The following CNTNAP2 variants were observed in gnomAD, a reference collection of about 807,000 sequenced individuals.
The protein encoded by CNTNAP2 is contactin-associated protein-like 2.
A neutral mutation model predicts 155.2 loss-of-function variants in CNTNAP2; 98 were observed. The observed-to-expected ratio is 0.63, with a 90% CI of 0.54 to 0.75. The LOEUF (loss-of-function observed/expected upper bound fraction) is 0.75. Among genes scored for constraint, CNTNAP2 ranks in the 30% least tolerant of loss-of-function variants. CNTNAP2 has a pLI of 0.00. For synonymous variants in CNTNAP2, 651 were observed against 631.2 expected, an observed-to-expected ratio of 1.03 and a Z score of -0.47; for missense variants, 1,727 against 1,688.1, an observed-to-expected ratio of 1.02 and a Z score of -0.40.
At chr7:146,487,410 T>G (rs1002513455) in intron 1 of CNTNAP2, among the ~76,000 whole-genome samples, 1 of 152,228 alleles carries the variant, frequency 6.6e-6, no homozygotes, top group Non-Finnish European at 1.5e-5. Context: ...GTCTCGTAGT[T>G]GACAAACTCT....
chr7:147,618,642 ATATATATAATAACAGCTAT>A (rs1309076867), intron 12 of CNTNAP2, among the ~76,000 whole-genome samples: 1 of 150,168 alleles, frequency 6.7e-6, no homozygotes, highest in African/African-American at 2.4e-5. Context: ...TAAAATGTAT[ATATATATAATAACAGCTAT>A]TATATATATA....
intron 1 of CNTNAP2, among the ~76,000 whole-genome samples, chr7:146,646,261 A>G (rs985927629): frequency 3.3e-5 from 5 of 152,120 alleles, no homozygotes; most frequent in Admixed American, 6.5e-5. Context: ...GAACATGTTC[A>G]TTGTCTGTTT....
chr7:147,455,033 C>A (rs1371490080), intron 10 of CNTNAP2, among the ~76,000 whole-genome samples: 1 of 152,076 alleles, frequency 6.6e-6, no homozygotes, highest in Non-Finnish European at 1.5e-5. Flanking sequence ...TTCTGAGGAC[C>A]TTGGGAAATA....
chr7:147,495,594 C>A (rs978112204), intron 11 of CNTNAP2, among the ~76,000 whole-genome samples: 1 of 152,104 alleles, frequency 6.6e-6, no homozygotes, highest in Non-Finnish European at 1.5e-5. Context: ...AGATGACAGC[C>A]ATGGTTATAA....
chr7:147,698,859 A>G (rs1289391290), intron 13 of CNTNAP2, among the ~76,000 whole-genome samples: 1 of 152,192 alleles, frequency 6.6e-6, no homozygotes, highest in African/African-American at 2.4e-5. Flanking sequence ...ACATTATTGA[A>G]TAATATCAGA....
chr7:146,783,906 C>G (rs1374255332), intron 2 of CNTNAP2, among the ~76,000 whole-genome samples: 1 of 152,154 alleles, frequency 6.6e-6, no homozygotes, highest in Admixed American at 6.6e-5. Flanking sequence ...TTGGGATTTG[C>G]TTTTATAAAA....
Position 147,108,109 on chromosome 7 carries a change from A to G in CNTNAP2, c.551-38A>G, listed in dbSNP as rs1180122417. ...CTGTTGGAAGTGGATGGTAACATACATGGCTGAACTAATATGTTATTTTTT... is the reference window on the plus strand; with the variant it reads ...CTGTTGGAAGTGGATGGTAACATACGTGGCTGAACTAATATGTTATTTTTT... On this transcript the variant is annotated intron_variant, in intron 4 of 23. Coordinates refer to ENST00000361727, the MANE Select transcript of CNTNAP2 (RefSeq NM_014141.6). 9 of 1,567,606 alleles carry G rather than the reference A, an allele frequency of 5.7e-6. No individual in the cohort carries two copies. The East Asian group carries it at 2.0e-4, about 35-fold the overall frequency.
intron 13 of CNTNAP2, among the ~76,000 whole-genome samples, chr7:147,817,328 A>G (rs1417498531): frequency 6.6e-6 from 1 of 152,254 alleles, no homozygotes; most frequent in Non-Finnish European, 1.5e-5. Context: ...TGCACTAGAC[A>G]TGATTCCAAG....
At position 148,383,599 on chromosome 7, in the gene CNTNAP2, G is replaced by A. The variant is rs548975769; in HGVS notation, c.3476-50G>A. 43 of 1,614,036 alleles carry A rather than the reference G, an allele frequency of 2.7e-5. 1 individual carries two copies. In the South Asian group the frequency reaches 4.5e-4, roughly 17 times the overall value. On this transcript the variant is annotated intron_variant, in intron 21 of 23. Transcript: ENST00000361727. Reference sequence around the variant, plus strand: ...CATTCAAAGACAGGTATGTTGTACAGCTGGACTATGGTGAGTCAAGTAACA... The same window carrying A: ...CATTCAAAGACAGGTATGTTGTACAACTGGACTATGGTGAGTCAAGTAACA...
chr7:147,972,147 T>C (rs1288778384), intron 14 of CNTNAP2, among the ~76,000 whole-genome samples: 1 of 152,246 alleles, frequency 6.6e-6, no homozygotes, highest in East Asian at 1.9e-4. Flanking sequence ...TATTTGTACT[T>C]ATATCTATGA....
intron 11 of CNTNAP2, among the ~76,000 whole-genome samples, chr7:147,516,243 A>G (rs1199014377): frequency 6.6e-6 from 1 of 152,168 alleles, no homozygotes; most frequent in East Asian, 1.9e-4. Context: ...ACTTTTTTTT[A>G]CAGCTACTCA....
At chr7:146,917,425 T>C (rs1465343981) in intron 3 of CNTNAP2, among the ~76,000 whole-genome samples, 1 of 152,192 alleles carries the variant, frequency 6.6e-6, no homozygotes, top group Non-Finnish European at 1.5e-5. Context: ...CCAGTATTAT[T>C]GTGTTGCTGT....
chr7:146,964,009 G>T (rs1216296096), intron 3 of CNTNAP2, among the ~76,000 whole-genome samples: 2 of 152,116 alleles, frequency 1.3e-5, no homozygotes, highest in South Asian at 2.1e-4. Context: ...GAGGAAGAGG[G>T]TTCTGAACAA....
chr7:147,980,297 G>T (rs886941456), intron 15 of CNTNAP2, among the ~76,000 whole-genome samples: 4 of 152,012 alleles, frequency 2.6e-5, no homozygotes, highest in Admixed American at 6.5e-5. Flanking sequence ...AAAGTATAGT[G>T]GTCATTGTTC....
chr7:147,137,893 A>ATAGATAGATAGATAGATAGATAGATAGG (rs1801517486), intron 8 of CNTNAP2, among the ~76,000 whole-genome samples: 2 of 128,214 alleles, frequency 1.6e-5, no homozygotes, highest in Admixed American at 1.6e-4. Flanking sequence ...AGATAGATAG[A>ATAGATAGATAGATAGATAGATAGATAGG]TAGATAGATA....
At chr7:147,174,338 T>C (rs1046661630) in intron 8 of CNTNAP2, among the ~76,000 whole-genome samples, 3 of 152,154 alleles carry the variant, frequency 2.0e-5, no homozygotes, top group African/African-American at 4.8e-5. Flanking sequence ...CAATTTCTTA[T>C]CCAGGTATCC....
At chr7:146,215,209 CAAAT>C (rs1434882869) in intron 1 of CNTNAP2, among the ~76,000 whole-genome samples, 1 of 152,172 alleles carries the variant, frequency 6.6e-6, no homozygotes, top group East Asian at 1.9e-4. Context: ...ACATAACTCT[CAAAT>C]AATCCAATGG....
chr7:147,538,943 ACT>A (rs1336041566), intron 11 of CNTNAP2, among the ~76,000 whole-genome samples: 2 of 151,724 alleles, frequency 1.3e-5, no homozygotes, highest in Admixed American at 6.6e-5. Flanking sequence ...ACTCTTTGAA[ACT>A]CTGTTTATTC....
At chr7:147,237,548 C>T (rs145212153) in intron 8 of CNTNAP2, among the ~76,000 whole-genome samples, 15 of 152,258 alleles carry the variant, frequency 9.9e-5, no homozygotes, top group African/African-American at 3.1e-4. Flanking sequence ...TTTCACTTTG[C>T]GTTATGAATG....
Sources: allele counts gnomAD v4.1 joint callset (sites outside exome capture counted in the v4.1 genomes callset), GRCh38; gene constraint gnomAD v4.1.1; transcripts MANE v1.5; gene names NCBI Gene and HGNC (gene_info 2026-07-23, HGNC 2026-07-21).